The following CAMTA1 variants were observed in gnomAD, a reference collection of about 807,000 sequenced individuals.
CAMTA1 encodes calmodulin binding transcription activator 1, also known as calmodulin-binding transcription activator 1.
A neutral mutation model predicts 170.9 loss-of-function variants in CAMTA1; 27 were observed. That is an observed-to-expected ratio of 0.16 (90% confidence interval 0.12 to 0.22). The LOEUF (loss-of-function observed/expected upper bound fraction) is 0.22. Ranked by LOEUF, CAMTA1 falls within the 10% of genes least tolerant of loss-of-function variation. The pLI is 1.00. For synonymous variants in CAMTA1, 833 were observed against 891.5 expected, an observed-to-expected ratio of 0.93 and a Z score of 1.17; for missense variants, 1,619 against 2,217.2, an observed-to-expected ratio of 0.73 and a Z score of 5.42.
Position 6,831,894 on chromosome 1 carries a change from G to GA in CAMTA1, c.234+6690dup, listed in dbSNP as rs574472541. ...AAGCCACACCAAAGCGTCTGCAGGAGAAAAAACAAAACAAAACTTGAGTAA... is the reference window on the plus strand; with the variant it reads ...AAGCCACACCAAAGCGTCTGCAGGAGAAAAAAACAAAACAAAACTTGAGTAA... On this transcript the variant is annotated intron_variant, in intron 3 of 22. Coordinates refer to ENST00000303635, the MANE Select transcript of CAMTA1 (RefSeq NM_015215.4). Among the ~76,000 whole-genome samples the GA allele has an allele frequency of 2.0e-3, 301 of 150,056 alleles. 1 individual carries two copies. The highest frequency in any genetic ancestry group is 7.0e-3 in the African/African-American group (290 of 41,370).
chr1:7,341,810 A>G (rs2083855149), intron 5 of CAMTA1, among the ~76,000 whole-genome samples: 1 of 152,186 alleles, frequency 6.6e-6, no homozygotes, highest in African/African-American at 2.4e-5. Context: ...TCTCCATAGG[A>G]TAAATGAGAA....
Position 7,300,234 on chromosome 1 carries a change from C to G in CAMTA1, c.438+50608C>G, listed in dbSNP as rs1000324173. On this transcript the variant is annotated intron_variant, in intron 5 of 22. Coordinates refer to ENST00000303635, the MANE Select transcript of CAMTA1 (RefSeq NM_015215.4). This position sits in a 1 kb window ranked among gnomAD's most constrained non-coding sequence, Gnocchi z 4.1. ...CTCAGAAAACATGATTTTCCTTCCTCCAAGGGTCTCCCCTAGACCCTGGCA... is the reference window on the plus strand; with the variant it reads ...CTCAGAAAACATGATTTTCCTTCCTGCAAGGGTCTCCCCTAGACCCTGGCA... 5.3e-5 allele frequency among the ~76,000 whole-genome samples: 8 copies of G among 152,182 alleles called. No individual in the cohort carries two copies. Among genetic ancestry groups the G allele is most frequent in the Admixed American group, 1.3e-4 (2 of 15,286 alleles).
intron 3 of CAMTA1, among the ~76,000 whole-genome samples, chr1:7,074,357 G>C (rs1377855992): frequency 6.6e-6 from 1 of 152,096 alleles, no homozygotes; most frequent in Admixed American, 6.5e-5. Flanking sequence ...TTGAGTTACT[G>C]TCTTTGAAGT....
chr1:7,531,803 G>T (rs1222766398), intron 6 of CAMTA1, among the ~76,000 whole-genome samples: 1 of 152,244 alleles, frequency 6.6e-6, no homozygotes, highest in East Asian at 1.9e-4. Context: ...CCACAGAGCG[G>T]CTGAGACTTC....
intron 3 of CAMTA1, among the ~76,000 whole-genome samples, chr1:7,032,330 T>C (rs574045977): frequency 6.6e-6 from 1 of 152,340 alleles, no homozygotes; most frequent in South Asian, 2.1e-4. Context: ...ATTTTATCTC[T>C]TTTGTTGGCT....
rs1306577761 is a variant in CAMTA1, at chr1:6,974,824, T to G, written c.235-116480T>G. ...CACATCCCCTTAGAATACTTTTCTC[T>G]GTCTTCTTCCCTTGGGCTTAGACGG... On this transcript the variant is annotated intron_variant, in intron 3 of 22. Coordinates refer to ENST00000303635, the MANE Select transcript of CAMTA1 (RefSeq NM_015215.4). Among the ~76,000 whole-genome samples, 3 of 152,256 alleles carry G rather than the reference T, an allele frequency of 2.0e-5. No individual in the cohort carries two copies. In the East Asian group the frequency reaches 5.8e-4, roughly 29 times the overall value.
intron 5 of CAMTA1, among the ~76,000 whole-genome samples, chr1:7,388,942 C>T (rs1028445873): frequency 3.9e-5 from 6 of 152,240 alleles, no homozygotes; most frequent in African/African-American, 1.4e-4. Flanking sequence ...CCAGACCGAG[C>T]TTCCTGCCGG....
intron 3 of CAMTA1, among the ~76,000 whole-genome samples, chr1:6,936,557 G>A (rs1685338403): frequency 6.6e-6 from 1 of 152,116 alleles, no homozygotes; most frequent in Non-Finnish European, 1.5e-5. Context: ...TGATGAATAA[G>A]GATTCAAGAT....
At chr1:7,405,779 A>C (rs1314766148) in intron 5 of CAMTA1, among the ~76,000 whole-genome samples, 1 of 152,200 alleles carries the variant, frequency 6.6e-6, no homozygotes, top group East Asian at 1.9e-4. Flanking sequence ...GCTTCCACAC[A>C]CTGATAGGTC....
intron 3 of CAMTA1, among the ~76,000 whole-genome samples, chr1:6,959,834 G>A (rs1690075128): frequency 1.3e-5 from 2 of 152,144 alleles, no homozygotes; most frequent in South Asian, 4.2e-4. Flanking sequence ...GCCTTCTGCA[G>A]CACCCCTTCT....
At chr1:7,073,215 G>A (rs1233951647) in intron 3 of CAMTA1, among the ~76,000 whole-genome samples, 2 of 152,160 alleles carry the variant, frequency 1.3e-5, no homozygotes, top group Non-Finnish European at 2.9e-5. Flanking sequence ...GGGTGGTGCT[G>A]TCATCTACTG....
intron 1 of CAMTA1, among the ~76,000 whole-genome samples, chr1:6,788,403 G>C (rs1384823428): frequency 6.6e-6 from 1 of 152,178 alleles, no homozygotes; most frequent in East Asian, 1.9e-4. Flanking sequence ...GTCAGCGCTA[G>C]TTCTGTGACT....
intron 5 of CAMTA1, among the ~76,000 whole-genome samples, chr1:7,386,108 A>T (rs1400407020): frequency 6.6e-6 from 1 of 152,186 alleles, no homozygotes; most frequent in Non-Finnish European, 1.5e-5. Flanking sequence ...TCAGGCAGAG[A>T]CACATGCGCA....
chr1:6,938,464 C>CT (rs1396847193), intron 3 of CAMTA1, among the ~76,000 whole-genome samples: 1 of 152,146 alleles, frequency 6.6e-6, no homozygotes, highest in East Asian at 1.9e-4. Flanking sequence ...GCTGGCAGCC[C>CT]TGGGGCCACG....
chr1:7,561,983 G>A lies in CAMTA1; in HGVS notation c.511-78417G>A, dbSNP rs926898193. 5.9e-5 allele frequency among the ~76,000 whole-genome samples: 9 copies of A among 152,134 alleles called. No individual in the cohort carries two copies. Among genetic ancestry groups the A allele is most frequent in the African/African-American group, 1.9e-4 (8 of 41,432 alleles). Reference sequence around the variant, plus strand: ...TGTGTTCCAGGTCAGAAGAGCAAACGCAGTCTCCAGAGAGATCATGAGGCT... The same window carrying A: ...TGTGTTCCAGGTCAGAAGAGCAAACACAGTCTCCAGAGAGATCATGAGGCT... On this transcript the variant is annotated intron_variant, in intron 6 of 22. Coordinates refer to ENST00000303635, the MANE Select transcript of CAMTA1 (RefSeq NM_015215.4). The surrounding 1 kb of genome is among the most constrained non-coding windows in gnomAD (Gnocchi z 5.3).
At chr1:6,941,822 A>T (rs535848818) in intron 3 of CAMTA1, among the ~76,000 whole-genome samples, 2 of 152,300 alleles carry the variant, frequency 1.3e-5, no homozygotes, top group South Asian at 4.1e-4. Context: ...AGTGCCTGGG[A>T]TGGGCTAGAA....
In CAMTA1 at chr1:7,510,808, G is replaced by A. The variant is rs536601072; in HGVS notation, c.510+42907G>A. 4.1e-5 allele frequency among the ~76,000 whole-genome samples: 6 copies of A among 144,884 alleles called. 1 individual carries two copies. In the East Asian group the frequency reaches 1.1e-3, roughly 27 times the overall value. ...TCCAGGATGGCTCTCTACCTTCCAG[G>A]CATCCCAGTTCATAAACACACACTG... On this transcript the variant is annotated intron_variant, in intron 6 of 22. Coordinates refer to ENST00000303635, the MANE Select transcript of CAMTA1 (RefSeq NM_015215.4).
At chr1:7,468,609 G>A (rs1149331) in intron 6 of CAMTA1, among the ~76,000 whole-genome samples, 77,154 of 152,090 alleles carry the variant, frequency 0.51, 20,395 homozygotes, top group Middle Eastern at 0.62. Context: ...CCATGCAGTC[G>A]GACTAGACAT....
At chr1:7,337,200 T>C (rs2083439016) in intron 5 of CAMTA1, among the ~76,000 whole-genome samples, 1 of 152,140 alleles carries the variant, frequency 6.6e-6, no homozygotes, top group Non-Finnish European at 1.5e-5. Context: ...TCAATACCTA[T>C]CACCTTGTGA....
Sources: gnomAD v4.1 joint callset for allele counts (sites outside exome capture counted in the v4.1 genomes callset) on GRCh38, gnomAD v4.1.1 for gene constraint, Gnocchi (gnomAD v3.1) non-coding constraint, MANE v1.5 for transcripts, NCBI Gene and HGNC (gene_info 2026-07-23, HGNC 2026-07-21) for gene names.